Variants in COL17A1 observed in about 807,000 individuals in gnomAD.
COL17A1 encodes collagen type XVII alpha 1 chain.
Under a neutral mutation model 218.4 loss-of-function variants are expected in COL17A1, and 181 were observed. The observed-to-expected ratio is 0.83, with a 90% CI of 0.73 to 0.94. COL17A1 has a LOEUF of 0.94. Ranked by LOEUF, COL17A1 falls within the 40% of genes least tolerant of loss-of-function variation. The pLI, the probability that COL17A1 is intolerant of heterozygous loss-of-function variation, is 0.00. For synonymous variants in COL17A1, 721 were observed against 731.0 expected (o/e 0.99, Z 0.22); for missense variants, 1,924 against 1,945.9 (o/e 0.99, Z 0.21).
intron 54 of COL17A1, 24 bp from the exon 55 acceptor site, chr10:104,032,778 C>A: frequency 1.2e-6 from 2 of 1,613,614 alleles, no homozygotes; most frequent in East Asian, 4.5e-5. Flanking sequence ...TGGGGCGTAA[C>A]TAAGTAATAC....
rs1844682488 is a variant in COL17A1, at chr10:104,031,541, C to CTGTT, written c.*690_*693dup. 1 of 152,280 alleles carries CTGTT rather than the reference C, an allele frequency of 6.6e-6. No individual in the cohort carries two copies. The allele number at this position is 152,280 out of a possible 1,614,324, so 9.4% of individuals were successfully genotyped here. ...GTCCATTGCCCTCAACCTTCTTTTT[C>CTGTT]TGTTTGCTCTGGCCTGGTTCAGTAT... On this transcript the variant is annotated 3_prime_UTR_variant, in exon 56 of 56. Coordinates refer to ENST00000648076, the MANE Select transcript of COL17A1 (RefSeq NM_000494.4).
At chr10:104,045,914 C>T in intron 32 of COL17A1, 121 bp from the exon 33 acceptor site, 1 of 853,196 alleles carries the variant, frequency 1.2e-6, no homozygotes, top group South Asian at 1.4e-5. Context: ...CCCTGGGACG[C>T]ACCAGCTTTG....
chr10:104,041,159 G>A (rs1285186150), intron 38 of COL17A1, 41 bp from the exon 39 acceptor site: 1 of 1,611,580 alleles, frequency 6.2e-7, no homozygotes, highest in African/African-American at 1.3e-5. Context: ...TGCCAAGAGG[G>A]GAGCCAGGAA....
intron 2 of COL17A1, among the ~76,000 whole-genome samples, chr10:104,079,266 C>G (rs1240109106): frequency 3.3e-5 from 5 of 152,136 alleles, no homozygotes; most frequent in Non-Finnish European, 4.4e-5. Flanking sequence ...GACTGTGGCC[C>G]TCAGCACTAC....
At chr10:104,038,380 A>G (rs747166153) in intron 45 of COL17A1, 26 bp downstream of exon 45, 11 of 1,613,506 alleles carry the variant, frequency 6.8e-6, no homozygotes, top group Non-Finnish European at 2.5e-6. Context: ...TCTTGTCCCC[A>G]CGGCTTGCGG....
In COL17A1 at chr10:104,032,132, G is replaced by T; in HGVS notation, c.*103C>A. The stretch of plus-strand genomic sequence containing the variant: ...TAGCTAGGTTGGCTGTGCTGTCTCA[G>T]TAGGACATTGACAGACTCCAGCTTT... On this transcript the variant is annotated 3_prime_UTR_variant, in exon 56 of 56. Transcript: ENST00000648076. The T allele has an allele frequency of 9.2e-6, 8 of 873,606 alleles. No homozygotes were observed. The Admixed American group carries it at 1.5e-4, about 16-fold the overall frequency. The allele number at this position is 873,606 out of a possible 1,614,324, so 54.1% of individuals were successfully genotyped here.
chr10:104,037,779 G>T lies in COL17A1; in HGVS notation c.3071-6C>A. The T allele has an allele frequency of 6.2e-7, 1 of 1,613,428 alleles. No individual in the cohort carries two copies. Among genetic ancestry groups the T allele is most frequent in the South Asian group, 1.1e-5 (1 of 90,954 alleles). On this transcript the variant is annotated splice_polypyrimidine_tract_variant and splice_region_variant and intron_variant, in intron 45 of 55. Coordinates refer to ENST00000648076, the MANE Select transcript of COL17A1 (RefSeq NM_000494.4). ...GTAAGATCTAATACTGTCACCTGCC[G>T]ACCAAGGAACAAAGCAAAGTCAAGC...
At chr10:104,066,425 A>C (rs939874303) in intron 9 of COL17A1, among the ~76,000 whole-genome samples, 3 of 152,242 alleles carry the variant, frequency 2.0e-5, no homozygotes, top group Admixed American at 2.0e-4. Flanking sequence ...ATCAGCCTTC[A>C]GTCTTTTGGC....
intron 37 of COL17A1, 55 bp from the exon 38 acceptor site, chr10:104,041,399 C>G (rs1268654887): frequency 6.9e-6 from 11 of 1,603,290 alleles, no homozygotes; most frequent in African/African-American, 1.3e-5. Flanking sequence ...TGATGCCACC[C>G]CTGAGGATCT....
chr10:104,064,300 A>C, intron 10 of COL17A1, 138 bp downstream of exon 10: 1 of 1,372,938 alleles, frequency 7.3e-7, no homozygotes, highest in Non-Finnish European at 1.0e-6. Flanking sequence ...TCCAGGGGGA[A>C]TCTCCTGGGA....
chr10:104,043,829 A>G lies in COL17A1; in HGVS notation c.2430T>C (p.Thr810=). 6.2e-7 allele frequency: 1 copy of G among 1,614,118 alleles called. No individual in the cohort carries two copies. Among genetic ancestry groups the G allele is most frequent in the Non-Finnish European group, 8.5e-7 (1 of 1,180,016 alleles). The change falls in exon 34 of 56, where the codon ACT becomes ACC. Residue 810 remains threonine (T), a synonymous_variant. Transcript: ENST00000648076. ...GTCCCTCTAGGACCTGCCTACCCGA[A>G]GTCACGATCTTGCCTGGAGCTCCTG... is the stretch of plus-strand genomic sequence containing the variant. ...GEPGAPGKIV[T]SEGSSMLTVP...
At chr10:104,078,890 C>T (rs192886437) in intron 2 of COL17A1, among the ~76,000 whole-genome samples, 2 of 152,306 alleles carry the variant, frequency 1.3e-5, no homozygotes, top group East Asian at 3.9e-4. Flanking sequence ...TAGATCCAGT[C>T]CAGGCCTGGT....
chr10:104,036,546 G>A lies in COL17A1; in HGVS notation c.3364C>T (p.Leu1122Phe), dbSNP rs1194343548. 1.2e-6 allele frequency: 2 copies of A among 1,613,858 alleles called. No individual in the cohort carries two copies. Among genetic ancestry groups the A allele is most frequent in the African/African-American group, 1.3e-5 (1 of 74,858 alleles). Reference protein sequence around the residue: ...GPPGASGDGSLLSLDYAELSS... With the variant: ...GPPGASGDGSFLSLDYAELSS... ...AGCTCTGCATAGTCCAAAGACAGGA[G>A]GGACCCATCTCCACTGGCTCCTGGT... The change falls in exon 48 of 56, where the codon CTC (leucine) becomes TTC (phenylalanine). Residue 1122 changes from leucine to phenylalanine, a missense_variant. Transcript: ENST00000648076.
intron 9 of COL17A1, 150 bp from the exon 10 acceptor site, chr10:104,064,746 A>G (rs1161882258): frequency 5.2e-6 from 4 of 773,588 alleles, no homozygotes; most frequent in Admixed American, 2.1e-5. Flanking sequence ...AACCTGGGGT[A>G]GTTTCCATCT....
In COL17A1 at chr10:104,045,793, C is replaced by G; in HGVS notation, c.2363G>C (p.Gly788Ala). 1.2e-6 allele frequency: 2 copies of G among 1,612,314 alleles called. No homozygotes were observed. Among genetic ancestry groups the G allele is most frequent in the Non-Finnish European group, 1.7e-6 (2 of 1,178,306 alleles). The change falls in exon 33 of 56, where the codon GGA (glycine) becomes GCA (alanine). Residue 788 changes from glycine to alanine, a missense_variant and splice_region_variant. Gly to Ala is a moderately conservative substitution (Grantham distance 60, BLOSUM62 0). Coordinates refer to ENST00000648076, the MANE Select transcript of COL17A1 (RefSeq NM_000494.4). ...PGLTGPQGPQ[G>A]LPGTPGRPGI... ...TGGTCGGCCAGGGGTACCGGGAAGT[C>G]CTGATGTGATTAGAACAAGTAGTCA...
At chr10:104,082,244 C>T (rs2086771252) in intron 1 of COL17A1, among the ~76,000 whole-genome samples, 1 of 152,200 alleles carries the variant, frequency 6.6e-6, no homozygotes, top group African/African-American at 2.4e-5. Context: ...GGGCTTCATA[C>T]ACAGTTTAAC....
chr10:104,036,920 C>G, intron 47 of COL17A1, 125 bp downstream of exon 47: 1 of 972,528 alleles, frequency 1.0e-6, no homozygotes, highest in African/African-American at 1.6e-5. Context: ...GGCTCTTTGT[C>G]CAAAGGACTC....
At chr10:104,076,232 T>A in intron 5 of COL17A1, 69 bp downstream of exon 5, 1 of 1,610,394 alleles carries the variant, frequency 6.2e-7, no homozygotes, top group Non-Finnish European at 8.5e-7. Flanking sequence ...AGCATGTAAA[T>A]CTTCAAAGAA....
At position 104,055,976 on chromosome 10, in the gene COL17A1, C is replaced by T. The variant is rs371044491; in HGVS notation, c.1493G>A (p.Arg498His). 46 of 1,614,062 alleles carry T rather than the reference C, an allele frequency of 2.8e-5. No homozygotes were observed. The highest frequency in any genetic ancestry group is 6.7e-5 in the Admixed American group (4 of 60,008). Residue 498 changes from arginine (R) to histidine (H), a missense_variant, in exon 18 of 56, where the codon CGT becomes CAT. Arg to His is a conservative substitution (Grantham distance 29). Coordinates refer to ENST00000648076, the MANE Select transcript of COL17A1 (RefSeq NM_000494.4). ...CCTGATCCTCTCCAGCTCATCCACA[C>T]GCGCCTTCAGCTTCCTCACCTCCTC... ...LAEEVRKLKA[R>H]VDELERIRRS...
Sources: gnomAD v4.1 joint callset for allele counts (sites outside exome capture counted in the v4.1 genomes callset) on GRCh38, gnomAD v4.1.1 for gene constraint, MANE v1.5 for transcripts, NCBI Gene and HGNC (gene_info 2026-07-23, HGNC 2026-07-21) for gene names.